Variants in EYS observed in about 807,000 individuals in gnomAD.
EYS encodes the protein EGF-like photoreceptor maintenance factor, also known as protein eyes shut homolog.
EYS carries 250 observed loss-of-function variants against 282.1 expected under a neutral mutation model. The ratio of observed to expected loss-of-function variants is 0.89; its 90% CI spans 0.80 to 0.98. The LOEUF is 0.98. Among genes scored for constraint, EYS ranks in the 50% least tolerant of loss-of-function variants. The pLI is 0.00. For synonymous variants in EYS, 1,355 were observed against 1,282.9 expected (o/e 1.06, Z -1.20); for missense variants, 4,016 against 3,709.0 (o/e 1.08, Z -2.15).
At chr6:65,609,195 C>T (rs1479042784) in intron 2 of EYS, among the ~76,000 whole-genome samples, 1 of 151,934 alleles carries the variant, frequency 6.6e-6, no homozygotes, top group African/African-American at 2.4e-5. Context: ...CATTGCACTA[C>T]TACATTACCA....
chr6:64,553,148 T>C (rs1765138409), intron 26 of EYS, among the ~76,000 whole-genome samples: 1 of 150,982 alleles, frequency 6.6e-6, no homozygotes, highest in African/African-American at 2.4e-5. Context: ...AGCTGTGTCA[T>C]GGGGCCAAGG....
Position 64,001,447 on chromosome 6 carries a change from C to T in EYS, c.6726-2264G>A, listed in dbSNP as rs146943307. On this transcript the variant is annotated intron_variant, in intron 33 of 42. Coordinates refer to ENST00000503581, the MANE Select transcript of EYS (RefSeq NM_001142800.2). ...TTTAAAAACTGAAACTCAATGCAAC[C>T]GACTTTTTTTTTCAGTGTCCTTAAC... is the stretch of plus-strand genomic sequence containing the variant. Among the ~76,000 whole-genome samples, 87 of 152,044 alleles carry T rather than the reference C, an allele frequency of 5.7e-4. 1 individual carries two copies. The highest frequency in any genetic ancestry group is 3.4e-3 in the Middle Eastern group (1 of 294).
intron 41 of EYS, among the ~76,000 whole-genome samples, chr6:63,745,964 A>G (rs1014869287): frequency 3.3e-5 from 5 of 152,204 alleles, no homozygotes; most frequent in African/African-American, 1.2e-4. Context: ...CCAGCTGTCT[A>G]CAAGCCAGGA....
chr6:64,354,219 C>T (rs1375177542), intron 29 of EYS, among the ~76,000 whole-genome samples: 1 of 151,574 alleles, frequency 6.6e-6, no homozygotes, highest in Non-Finnish European at 1.5e-5. Flanking sequence ...TAAACAATTA[C>T]ATAATCTTTT....
chr6:65,684,941 G>A (rs1768961187), intron 1 of EYS, among the ~76,000 whole-genome samples: 1 of 151,822 alleles, frequency 6.6e-6, no homozygotes, highest in South Asian at 2.1e-4. Context: ...CCCTCTTTGT[G>A]TCCATAGGTA....
intron 31 of EYS, among the ~76,000 whole-genome samples, chr6:64,118,166 A>G (rs1773453149): frequency 6.6e-6 from 1 of 152,098 alleles, no homozygotes; most frequent in African/African-American, 2.4e-5. Context: ...TACAAATGAC[A>G]TTCTTCACAG....
At chr6:65,258,120 A>T (rs768980689) in intron 12 of EYS, among the ~76,000 whole-genome samples, 6 of 152,036 alleles carry the variant, frequency 3.9e-5, no homozygotes, top group Non-Finnish European at 8.8e-5. Context: ...GTAAATATAT[A>T]CATCTAATAT....
At chr6:64,904,034 T>C (rs1446588081) in intron 16 of EYS, among the ~76,000 whole-genome samples, 1 of 152,202 alleles carries the variant, frequency 6.6e-6, no homozygotes, top group Non-Finnish European at 1.5e-5. Context: ...AAATATGATT[T>C]TTAAAAACGC....
chr6:64,772,708 C>T (rs113862780), intron 22 of EYS, among the ~76,000 whole-genome samples: 31 of 152,016 alleles, frequency 2.0e-4, no homozygotes, highest in South Asian at 8.3e-4. Context: ...TCCCTTTCTC[C>T]ATGAGTTCAA....
At chr6:64,177,076 A>C (rs1211172077) in intron 31 of EYS, among the ~76,000 whole-genome samples, 2 of 151,788 alleles carry the variant, frequency 1.3e-5, no homozygotes, top group East Asian at 3.9e-4. Flanking sequence ...AATTTACTAT[A>C]AATTATTCAT....
intron 36 of EYS, among the ~76,000 whole-genome samples, chr6:63,815,332 G>T (rs1031268824): frequency 6.6e-6 from 1 of 152,128 alleles, no homozygotes; most frequent in Non-Finnish European, 1.5e-5. Context: ...AAATGACAGG[G>T]TCAAGATCTG....
At chr6:65,581,793 A>C (rs1237173085) in intron 2 of EYS, among the ~76,000 whole-genome samples, 2 of 152,150 alleles carry the variant, frequency 1.3e-5, no homozygotes, top group African/African-American at 4.8e-5. Flanking sequence ...AAAAATAAAA[A>C]AATTAGTAGC....
At chr6:64,336,409 C>G (rs1410337346) in intron 29 of EYS, among the ~76,000 whole-genome samples, 1 of 151,966 alleles carries the variant, frequency 6.6e-6, no homozygotes, top group Non-Finnish European at 1.5e-5. Flanking sequence ...AGGGCCTTGT[C>G]CAACAGGAAA....
chr6:63,815,488 C>T (rs1396698904), intron 36 of EYS, among the ~76,000 whole-genome samples: 1 of 152,178 alleles, frequency 6.6e-6, no homozygotes, highest in East Asian at 1.9e-4. Flanking sequence ...AAAGTTGGCA[C>T]TCCCCACAAA....
intron 33 of EYS, among the ~76,000 whole-genome samples, chr6:64,055,346 G>A (rs1770946973): frequency 6.6e-6 from 1 of 152,062 alleles, no homozygotes; most frequent in South Asian, 2.1e-4. Context: ...TCGTTTGAGG[G>A]ATACTTGATG....
In EYS at chr6:63,820,154, CTCTT is replaced by C. The variant is rs1351672479; in HGVS notation, c.7229-13786_7229-13783del. Among the ~76,000 whole-genome samples the C allele has an allele frequency of 3.3e-5, 5 of 152,230 alleles. No individual in the cohort carries two copies. In the South Asian group the frequency reaches 1.0e-3, roughly 32 times the overall value. ...TTCCCTCCAGTAATTTATATCATTG[CTCTT>C]TCTAATTTTTGACAGTCTGATGAGG... is the stretch of plus-strand genomic sequence containing the variant. On this transcript the variant is annotated intron_variant, in intron 36 of 42. Coordinates refer to ENST00000503581, the MANE Select transcript of EYS (RefSeq NM_001142800.2).
At chr6:63,723,568 T>C (rs535360255) in intron 42 of EYS, among the ~76,000 whole-genome samples, 1 of 152,194 alleles carries the variant, frequency 6.6e-6, no homozygotes, top group South Asian at 2.1e-4. Context: ...ATCTATACTA[T>C]CACTGGTCAT....
intron 36 of EYS, among the ~76,000 whole-genome samples, chr6:63,841,925 C>T (rs1001177517): frequency 6.6e-6 from 1 of 152,160 alleles, no homozygotes; most frequent in African/African-American, 2.4e-5. Context: ...TATGTCCTTG[C>T]AAAGGACATG....
At chr6:65,514,643 A>G (rs1204163104) in intron 2 of EYS, among the ~76,000 whole-genome samples, 3 of 152,230 alleles carry the variant, frequency 2.0e-5, no homozygotes, top group Non-Finnish European at 4.4e-5. Context: ...CCGCATATCT[A>G]CAACTATCTG....
Sources: gnomAD v4.1 joint callset for allele counts (sites outside exome capture counted in the v4.1 genomes callset) on GRCh38, gnomAD v4.1.1 for gene constraint, MANE v1.5 for transcripts, NCBI Gene and HGNC (gene_info 2026-07-23, HGNC 2026-07-21) for gene names.